TRAPPC12: variants seen among roughly 807,000 people sequenced by gnomAD.
The protein encoded by TRAPPC12 is TPR repeat protein 15.
A neutral mutation model predicts 69.2 loss-of-function variants in TRAPPC12; 61 were observed. That is an observed-to-expected ratio of 0.88 (90% CI 0.72 to 1.09). The LOEUF is 1.09. Ranked by LOEUF, TRAPPC12 falls within the 50% of genes least tolerant of loss-of-function variation. The probability of loss-of-function intolerance (pLI) is 0.00; values close to 1 mark genes in which losing one functional copy is unlikely to be tolerated. For missense variants in TRAPPC12, 1,101 were observed against 1,016.4 expected, an observed-to-expected ratio of 1.08 and a Z score of -1.13; for synonymous variants, 469 against 438.9, an observed-to-expected ratio of 1.07 and a Z score of -0.86.
At chr2:3,466,785 C>T (rs1665834981) in intron 9 of TRAPPC12, among the ~76,000 whole-genome samples, 1 of 152,162 alleles carries the variant, frequency 6.6e-6, no homozygotes, top group Admixed American at 6.5e-5. Flanking sequence ...ATGCGTGACG[C>T]GTGAGCTGCC....
At chr2:3,388,807 G>A in intron 2 of TRAPPC12, 137 bp downstream of exon 2, 1 of 890,902 alleles carries the variant, frequency 1.1e-6, no homozygotes, top group Non-Finnish European at 1.6e-6. Flanking sequence ...GAGCGCCTGT[G>A]TTCCTCTGTC....
At chr2:3,479,029 T>G in intron 11 of TRAPPC12, 96 bp downstream of exon 11, 1 of 1,485,656 alleles carries the variant, frequency 6.7e-7, no homozygotes, top group Non-Finnish European at 9.2e-7. Flanking sequence ...CTGCGCTCTC[T>G]CTCTCCAGTC....
At chr2:3,454,157 G>A (rs865878147) in intron 6 of TRAPPC12, among the ~76,000 whole-genome samples, 1 of 152,240 alleles carries the variant, frequency 6.6e-6, no homozygotes, top group African/African-American at 2.4e-5. Context: ...GGCACTTGGC[G>A]TCGTTTTGTG....
Position 3,478,914 on chromosome 2 carries a change from T to C in TRAPPC12, c.1946T>C (p.Met649Thr). Reference protein sequence around the residue: ...AHRFFTEILRMDPRNAVANNN... With the variant: ...AHRFFTEILRTDPRNAVANNN... ...AGGTTCTTCACAGAGATCTTAAGGA[T>C]GGATCCAAGAAACGCAGTGGTAAGA... Residue 649 changes from methionine (M) to threonine (T), a missense_variant, in exon 11 of 12, where the codon ATG (methionine) becomes ACG (threonine). Transcript: ENST00000324266. 1.2e-6 allele frequency: 2 copies of C among 1,614,198 alleles called. No homozygotes were observed. Among genetic ancestry groups the C allele is most frequent in the Non-Finnish European group, 1.7e-6 (2 of 1,180,050 alleles).
At chr2:3,389,637 C>G in intron 2 of TRAPPC12, 1 of 470,932 alleles carries the variant, frequency 2.1e-6, no homozygotes. Context: ...TAACAGACCA[C>G]TGCTTCCCGT....
At chr2:3,408,933 C>T (rs1418791031) in intron 3 of TRAPPC12, among the ~76,000 whole-genome samples, 1 of 152,232 alleles carries the variant, frequency 6.6e-6, no homozygotes, top group Non-Finnish European at 1.5e-5. Context: ...TGTTCCCACA[C>T]ACGCTCCTTT....
chr2:3,439,627 A>T (rs975809516), intron 5 of TRAPPC12, among the ~76,000 whole-genome samples: 1 of 152,132 alleles, frequency 6.6e-6, no homozygotes, highest in Non-Finnish European at 1.5e-5. Context: ...TTTTCTTCCT[A>T]TCTGTGACTT....
intron 3 of TRAPPC12, among the ~76,000 whole-genome samples, chr2:3,417,765 G>A (rs1330013891): frequency 2.0e-5 from 3 of 152,180 alleles, no homozygotes; most frequent in South Asian, 2.1e-4. Context: ...GTCATTGGCC[G>A]GGCGTGATGG....
chr2:3,463,886 C>T (rs549933548), intron 8 of TRAPPC12, among the ~76,000 whole-genome samples: 30 of 152,288 alleles, frequency 2.0e-4, no homozygotes, highest in Middle Eastern at 3.4e-3. Context: ...AAGCCTACTT[C>T]CTTCCCCAGA....
intron 2 of TRAPPC12, among the ~76,000 whole-genome samples, chr2:3,391,331 A>G (rs903162682): frequency 1.3e-5 from 2 of 152,194 alleles, no homozygotes; most frequent in Non-Finnish European, 2.9e-5. Context: ...CTGAACACAA[A>G]TAGGTAAGCC....
At chr2:3,404,106 C>G (rs1258926801) in intron 3 of TRAPPC12, among the ~76,000 whole-genome samples, 1 of 152,180 alleles carries the variant, frequency 6.6e-6, no homozygotes, top group Admixed American at 6.5e-5. Flanking sequence ...ACCGGGCCAC[C>G]TGGAACCCCT....
At chr2:3,456,907 T>A in intron 6 of TRAPPC12, 1 of 334,772 alleles carries the variant, frequency 3.0e-6, no homozygotes, top group South Asian at 2.2e-5. Context: ...GGCTTGATGC[T>A]TTTCTTAAAA....
At chr2:3,461,434 C>T (rs867353977) in intron 8 of TRAPPC12, among the ~76,000 whole-genome samples, 5 of 152,208 alleles carry the variant, frequency 3.3e-5, no homozygotes, top group Non-Finnish European at 5.9e-5. Flanking sequence ...CAAGGAGACT[C>T]GGCGTCCTGT....
intron 6 of TRAPPC12, among the ~76,000 whole-genome samples, chr2:3,453,652 C>T (rs780915903): frequency 1.4e-4 from 21 of 152,156 alleles, no homozygotes; most frequent in Admixed American, 6.5e-4. Context: ...GACACAAACA[C>T]GGGACTGCTG....
chr2:3,389,729 G>T, intron 2 of TRAPPC12: 1 of 471,132 alleles, frequency 2.1e-6, no homozygotes, highest in Non-Finnish European at 4.4e-6. Flanking sequence ...GCGGAGTCCT[G>T]AGTTCTTGTC....
At chr2:3,390,402 G>A (rs1177500375) in intron 2 of TRAPPC12, among the ~76,000 whole-genome samples, 2 of 152,194 alleles carry the variant, frequency 1.3e-5, no homozygotes, top group Non-Finnish European at 1.5e-5. Flanking sequence ...TGTATTGTGA[G>A]GACATAATCA....
intron 3 of TRAPPC12, among the ~76,000 whole-genome samples, chr2:3,421,198 T>A (rs370237680): frequency 2.6e-5 from 4 of 152,268 alleles, no homozygotes; most frequent in African/African-American, 9.6e-5. Flanking sequence ...CCCATTCATT[T>A]GCCTAATGGC....
At chr2:3,384,171 C>T (rs1660385785) in intron 1 of TRAPPC12, among the ~76,000 whole-genome samples, 1 of 152,134 alleles carries the variant, frequency 6.6e-6, no homozygotes, top group South Asian at 2.1e-4. Context: ...GCTAGGATTA[C>T]AGGCCTGAAC....
intron 3 of TRAPPC12, among the ~76,000 whole-genome samples, chr2:3,402,852 G>A (rs986310035): frequency 1.3e-5 from 2 of 152,226 alleles, no homozygotes; most frequent in African/African-American, 2.4e-5. Flanking sequence ...TTAGGGGGCT[G>A]TGGAATTGCT....
Sources: gnomAD v4.1 joint callset for allele counts (sites outside exome capture counted in the v4.1 genomes callset) on GRCh38, gnomAD v4.1.1 for gene constraint, MANE v1.5 for transcripts, NCBI Gene and HGNC (gene_info 2026-07-23, HGNC 2026-07-21) for gene names.